HIVEP1: variants seen among roughly 807,000 people sequenced by gnomAD.
HIVEP1 encodes the protein zinc finger protein 40.
HIVEP1 carries 36 observed loss-of-function variants against 180.0 expected under a neutral mutation model. That is an observed-to-expected ratio of 0.20 (90% CI 0.15 to 0.26). The LOEUF is 0.26. Ranked by LOEUF, HIVEP1 falls within the 10% of genes least tolerant of loss-of-function variation. The probability of loss-of-function intolerance (pLI) is 1.00; values close to 1 mark genes in which losing one functional copy is unlikely to be tolerated. For synonymous variants in HIVEP1, 1,239 were observed against 1,239.0 expected, an observed-to-expected ratio of 1.00 and a Z score of 0.00; for missense variants, 3,143 against 3,268.7, an observed-to-expected ratio of 0.96 and a Z score of 0.94.
At chr6:12,135,752 C>G (rs1758668743) in intron 6 of HIVEP1, 39 bp from the exon 7 acceptor site, 1 of 1,326,450 alleles carries the variant, frequency 7.5e-7, no homozygotes, top group Admixed American at 1.8e-5. Flanking sequence ...ATAGCAAAAT[C>G]ATACTACTTA....
chr6:12,200,399 C>T, the HIVEP1 span, among the ~76,000 whole-genome samples: 16 of 152,222 alleles, frequency 1.1e-4, no homozygotes, highest in Non-Finnish European at 2.2e-4. Flanking sequence ...GCTCTGCAGG[C>T]GCAGTTATGG....
At chr6:12,076,612 C>A (rs761855924) in intron 2 of HIVEP1, among the ~76,000 whole-genome samples, 1 of 152,064 alleles carries the variant, frequency 6.6e-6, no homozygotes, top group Non-Finnish European at 1.5e-5. Flanking sequence ...GGCTGAAGAG[C>A]GGAAGAGAGT....
the HIVEP1 span, among the ~76,000 whole-genome samples, chr6:12,201,867 T>C: frequency 6.6e-6 from 1 of 152,184 alleles, no homozygotes; most frequent in African/African-American, 2.4e-5. Flanking sequence ...ACAGTATAGG[T>C]TGGTTTTATG....
chr6:12,150,575 ATCG>A (rs979272097), intron 7 of HIVEP1, among the ~76,000 whole-genome samples: 2 of 152,204 alleles, frequency 1.3e-5, no homozygotes, highest in Non-Finnish European at 2.9e-5. Context: ...ATATATTATC[ATCG>A]GGATTTTTAT....
intron 2 of HIVEP1, among the ~76,000 whole-genome samples, chr6:12,075,503 G>A (rs1408089292): frequency 1.3e-5 from 2 of 151,696 alleles, no homozygotes; most frequent in Non-Finnish European, 2.9e-5. Flanking sequence ...ACTGTCACAT[G>A]TCATTTCTTG....
chr6:12,121,473 T>G lies in HIVEP1; in HGVS notation c.1678T>G (p.Leu560Val). 1 of 1,614,138 alleles carries G rather than the reference T, an allele frequency of 6.2e-7. No homozygotes were observed. Among genetic ancestry groups the G allele is most frequent in the Non-Finnish European group, 8.5e-7 (1 of 1,180,024 alleles). ...TGCAGAATCACAAGCTGTGACAGAGTTACCGAAAGTTGTGGTCCACCATGT... is the reference window on the plus strand; with the variant it reads ...TGCAGAATCACAAGCTGTGACAGAGGTACCGAAAGTTGTGGTCCACCATGT... ...RSAESQAVTELPKVVVHHVTV... is the reference protein window; with the variant it reads ...RSAESQAVTEVPKVVVHHVTV... The change falls in exon 4 of 9, where the codon TTA (leucine) becomes GTA (valine). Residue 560 changes from leucine to valine, a missense_variant. Leu to Val is a conservative substitution (Grantham distance 32, BLOSUM62 1). This residue lies in a region of HIVEP1 where 365 missense variants were observed against 344.4 expected (regional missense o/e 1.06). Transcript: ENST00000379388. This position sits in a 1 kb window ranked among gnomAD's most constrained non-coding sequence, Gnocchi z 5.3.
intron 2 of HIVEP1, among the ~76,000 whole-genome samples, chr6:12,017,458 G>A (rs193017390): frequency 1.7e-3 from 254 of 152,360 alleles, no homozygotes; most frequent in Non-Finnish European, 1.4e-3. Flanking sequence ...CAGACTCAAA[G>A]AGCAAGCAGT....
intron 2 of HIVEP1, among the ~76,000 whole-genome samples, chr6:12,050,726 T>G (rs1190160972): frequency 1.3e-5 from 2 of 152,142 alleles, no homozygotes; most frequent in African/African-American, 4.8e-5. Flanking sequence ...CCAGACAGTC[T>G]CACTGTAGAT....
In HIVEP1 at chr6:12,163,320, A is replaced by T; in HGVS notation, c.7016A>T (p.Glu2339Val). 6.2e-7 allele frequency: 1 copy of T among 1,614,146 alleles called. No homozygotes were observed. Among genetic ancestry groups the T allele is most frequent in the Non-Finnish European group, 8.5e-7 (1 of 1,179,998 alleles). The change falls in exon 9 of 9, where the codon GAG becomes GTG. Residue 2339 changes from glutamate (E) to valine (V), a missense_variant. By Grantham distance (121) the Glu-to-Val change is moderately radical. Around this residue, in one of 12 missense-constraint regions of HIVEP1, gnomAD observed 595 missense variants for 602.2 expected, o/e 0.99. Coordinates refer to ENST00000379388, the MANE Select transcript of HIVEP1 (RefSeq NM_002114.4). ...SSVRLPPAAAEHSPQTAAGMP... is the reference protein window; with the variant it reads ...SSVRLPPAAAVHSPQTAAGMP... ...GTAAGACTTCCTCCTGCTGCAGCTG[A>T]GCACAGCCCCCAGACAGCAGCGGGG...
chr6:12,056,055 CT>C (rs1192954136), intron 2 of HIVEP1, among the ~76,000 whole-genome samples: 2 of 152,144 alleles, frequency 1.3e-5, no homozygotes, highest in East Asian at 3.9e-4. Context: ...GCTCTAGGCA[CT>C]TGTTCTAGGG....
chr6:12,102,003 G>C (rs986893461), intron 3 of HIVEP1, among the ~76,000 whole-genome samples: 42 of 152,116 alleles, frequency 2.8e-4, no homozygotes, highest in African/African-American at 9.7e-4. Flanking sequence ...TAGAGGTAAA[G>C]AGGGACATTT....
At chr6:12,034,005 C>T (rs1014703658) in intron 2 of HIVEP1, among the ~76,000 whole-genome samples, 3 of 152,164 alleles carry the variant, frequency 2.0e-5, no homozygotes, top group East Asian at 3.8e-4. Context: ...ATTAAGCAGA[C>T]GTTTTGTAGG....
intron 3 of HIVEP1, among the ~76,000 whole-genome samples, chr6:12,092,603 G>T (rs550174119): frequency 6.6e-6 from 1 of 152,020 alleles, no homozygotes; most frequent in Admixed American, 6.5e-5. Context: ...GTTTTCCAGA[G>T]TTTTTTTTGG....
upstream of HIVEP1, chr6:12,008,718 G>C (rs573312264): frequency 3.3e-5 from 5 of 152,338 alleles, no homozygotes; most frequent in East Asian, 7.7e-4. Flanking sequence ...GGGCCAGAAA[G>C]GGGGGCACAG....
chr6:12,064,269 G>T (rs922551394), intron 2 of HIVEP1, among the ~76,000 whole-genome samples: 1 of 152,134 alleles, frequency 6.6e-6, no homozygotes, highest in Non-Finnish European at 1.5e-5. Context: ...TTTGTAAATG[G>T]TAATGACTAA....
intron 2 of HIVEP1, among the ~76,000 whole-genome samples, chr6:12,059,576 G>T (rs996045596): frequency 2.0e-5 from 3 of 152,038 alleles, no homozygotes; most frequent in Admixed American, 2.0e-4. Flanking sequence ...ACATCCCTCC[G>T]GTGGTGCTCC....
intron 2 of HIVEP1, among the ~76,000 whole-genome samples, chr6:12,066,576 T>C (rs1771604568): frequency 6.6e-6 from 1 of 152,250 alleles, no homozygotes. Flanking sequence ...CTTAGCCAAG[T>C]ACTTCCTTTG....
the HIVEP1 span, among the ~76,000 whole-genome samples, chr6:12,204,292 A>C: frequency 6.9e-6 from 1 of 145,872 alleles, no homozygotes; most frequent in African/African-American, 2.5e-5. Context: ...GGCTCAGCCC[A>C]GTTTTTCATC....
chr6:12,187,602 T>C, the HIVEP1 span, among the ~76,000 whole-genome samples: 3 of 151,966 alleles, frequency 2.0e-5, no homozygotes, highest in Non-Finnish European at 4.4e-5. Flanking sequence ...TCTTTTTTTT[T>C]TTTTTTTTTA....
Sources: allele counts gnomAD v4.1 joint callset (sites outside exome capture counted in the v4.1 genomes callset), GRCh38; gene constraint gnomAD v4.1.1; regional missense constraint gnomAD v4.1.1; non-coding constraint Gnocchi (gnomAD v3.1); transcripts MANE v1.5; gene names NCBI Gene and HGNC (gene_info 2026-07-23, HGNC 2026-07-21).